MCCC1: variants seen among roughly 807,000 people sequenced by gnomAD.
MCCC1 encodes the protein methylcrotonyl-CoA carboxylase subunit 1.
Under a neutral mutation model 83.8 loss-of-function variants are expected in MCCC1, and 64 were observed. That is an observed-to-expected ratio of 0.76 (90% CI 0.62 to 0.94). The LOEUF is 0.94. Ranked by LOEUF, MCCC1 falls within the 40% of genes least tolerant of loss-of-function variation. The pLI, the probability that MCCC1 is intolerant of heterozygous loss-of-function variation, is 0.00. For missense variants in MCCC1, 807 were observed against 904.7 expected, an observed-to-expected ratio of 0.89 and a Z score of 1.39; for synonymous variants, 322 against 315.4, an observed-to-expected ratio of 1.02 and a Z score of -0.22.
chr3:183,081,353 G>A (rs1391779005), intron 4 of MCCC1, among the ~76,000 whole-genome samples: 2 of 152,156 alleles, frequency 1.3e-5, no homozygotes, highest in African/African-American at 4.8e-5. Flanking sequence ...AGTAAACACA[G>A]AAAACTAGTA....
rs727504003 is a variant in MCCC1, at chr3:183,037,413, T to C, written c.1399A>G (p.Ile467Val). ...CCAGACAGGTTGAGTAAGAAGTCAA[T>C]GTTGGTGTGCAGTCCAACAATCTAG... ...QYNIVGLHTN[I>V]DFLLNLSGHP... The change falls in exon 13 of 19, where the codon ATT becomes GTT. Residue 467 changes from isoleucine (I) to valine (V), a missense_variant. Physicochemically the swap from Ile to Val is conservative, Grantham distance 29. Transcript: ENST00000265594. The C allele has an allele frequency of 6.8e-6, 11 of 1,614,150 alleles. No individual in the cohort carries two copies. The South Asian group carries it at 7.7e-5, about 11-fold the overall frequency.
chr3:183,030,344 A>T (rs1246365381), intron 14 of MCCC1, among the ~76,000 whole-genome samples: 3 of 152,054 alleles, frequency 2.0e-5, no homozygotes, highest in Non-Finnish European at 4.4e-5. Context: ...CACACAAAAA[A>T]AATTCCCCAT....
chr3:183,069,264 T>C (rs58210189), intron 7 of MCCC1, among the ~76,000 whole-genome samples: 5,808 of 152,302 alleles, frequency 0.038, 393 homozygotes, highest in African/African-American at 0.13. Flanking sequence ...TGACGCAATG[T>C]ATGGCTAACA....
intron 1 of MCCC1, among the ~76,000 whole-genome samples, chr3:183,108,413 G>A (rs1719439927): frequency 6.6e-6 from 1 of 152,172 alleles, no homozygotes; most frequent in African/African-American, 2.4e-5. Flanking sequence ...GTTCCATGAT[G>A]TTAACTTTAT....
At chr3:183,048,400 A>G (rs1429239218) in intron 9 of MCCC1, among the ~76,000 whole-genome samples, 1 of 152,236 alleles carries the variant, frequency 6.6e-6, no homozygotes, top group East Asian at 1.9e-4. Context: ...AATCCACTTT[A>G]AAGACTTATA....
chr3:183,054,869 G>A (rs1486789761), intron 8 of MCCC1, among the ~76,000 whole-genome samples: 1 of 152,144 alleles, frequency 6.6e-6, no homozygotes, highest in Non-Finnish European at 1.5e-5. Flanking sequence ...TTACCATTGT[G>A]TTACAACTGC....
chr3:183,112,997 C>T (rs562490905), intron 1 of MCCC1, among the ~76,000 whole-genome samples: 207 of 151,928 alleles, frequency 1.4e-3, no homozygotes, highest in African/African-American at 4.7e-3. Context: ...AGGCCAAGGC[C>T]GGCGGATCAC....
intron 18 of MCCC1, chr3:183,016,201 A>G (rs1711605851): frequency 6.6e-6 from 1 of 151,228 alleles, no homozygotes; most frequent in African/African-American, 2.5e-5. Flanking sequence ...TGCTGGGATT[A>G]CAAGCGTGAG....
chr3:183,076,906 C>T (rs1717115065), intron 4 of MCCC1, among the ~76,000 whole-genome samples: 1 of 152,122 alleles, frequency 6.6e-6, no homozygotes, highest in Admixed American at 6.5e-5. Flanking sequence ...CATAAACCCC[C>T]AGCCCTAGGC....
chr3:183,090,589 CT>C (rs1338123368), intron 3 of MCCC1, among the ~76,000 whole-genome samples: 433 of 144,568 alleles, frequency 3.0e-3, no homozygotes, highest in Admixed American at 6.2e-3. Context: ...TGGGAAAATT[CT>C]TTTTTTTTTT....
At position 183,037,267 on chromosome 3, in the gene MCCC1, GAGACCCAGGGCTGCCTGGCATAA is replaced by G. The variant is rs1713693597; in HGVS notation, c.1522_1544del (p.Leu508HisfsTer17). 1 of 1,614,072 alleles carries G rather than the reference GAGACCCAGGGCTGCCTGGCATAA, an allele frequency of 6.2e-7. No homozygotes were observed. The highest frequency in any genetic ancestry group is 8.5e-7 in the Non-Finnish European group (1 of 1,180,024). The stretch of plus-strand genomic sequence containing the variant: ...CGGTCATGGCTTTCTCCTTGAGGAT[GAGACCCAGGGCTGCCTGGCATAA>G]AGACTCTTTGGCTGCAGCCTTCCGA... On this transcript the variant is annotated frameshift_variant, in exon 13 of 19. Transcript: ENST00000265594. LOFTEE classifies it high-confidence loss of function.
At chr3:183,112,495 CT>C (rs144985519) in intron 1 of MCCC1, among the ~76,000 whole-genome samples, 7,700 of 152,268 alleles carry the variant, frequency 0.051, 297 homozygotes, top group East Asian at 0.17. Flanking sequence ...TTTTTCTCCC[CT>C]GGTTTAAAAA....
chr3:183,086,762 G>C lies in MCCC1; in HGVS notation c.300C>G (p.Pro100=), dbSNP rs747409426. Residue 100 remains proline, a synonymous_variant, in exon 4 of 19, where the codon CCC becomes CCG. Coordinates refer to ENST00000265594, the MANE Select transcript of MCCC1 (RefSeq NM_020166.5). ...ATAGGTAGCTCTGCTGGGAGGGAGC[G>C]GGGCCGATGGAATATGCTTCATCTG... ...DMADEAYSIG[P]APSQQSYLSM... is the part of the protein sequence containing the mutation. 6.2e-7 allele frequency: 1 copy of C among 1,614,050 alleles called. No individual in the cohort carries two copies. The highest frequency in any genetic ancestry group is 1.7e-4 in the Middle Eastern group (1 of 6,060).
chr3:183,015,519 G>T lies in MCCC1; in HGVS notation c.2097C>A (p.Tyr699Ter). 6.2e-7 allele frequency: 1 copy of T among 1,614,074 alleles called. No homozygotes were observed. Among genetic ancestry groups the T allele is most frequent in the Non-Finnish European group, 8.5e-7 (1 of 1,179,960 alleles). ...PKDGTVKKVF[Y>*]REGAQANRHT... ...GTCTGTTGGCCTGAGCACCTTCTCT[G>T]TAGAACACTTTCTTTACTGTGCCAT... The change falls in exon 19 of 19, where the codon TAC becomes TAA. Residue 699 changes from tyrosine (Y) to a stop codon, truncating the protein, a stop_gained. Coordinates refer to ENST00000265594, the MANE Select transcript of MCCC1 (RefSeq NM_020166.5). LOFTEE classifies it low-confidence loss of function (END_TRUNC).
At chr3:183,107,020 G>A (rs563552966) in intron 1 of MCCC1, among the ~76,000 whole-genome samples, 26 of 152,018 alleles carry the variant, frequency 1.7e-4, no homozygotes, top group Non-Finnish European at 2.2e-4. Context: ...CTTGCCCACA[G>A]AATATTTTTG....
chr3:183,093,169 C>T (rs1320477915), intron 2 of MCCC1, among the ~76,000 whole-genome samples: 3 of 152,172 alleles, frequency 2.0e-5, no homozygotes, highest in African/African-American at 7.2e-5. Context: ...GCTGGGATTA[C>T]AGGTGTGAGC....
chr3:183,063,290 A>G (rs1424877685), intron 7 of MCCC1, among the ~76,000 whole-genome samples: 1 of 152,118 alleles, frequency 6.6e-6, no homozygotes, highest in Non-Finnish European at 1.5e-5. Context: ...CCCTATTTAC[A>G]TTTTTAATCC....
In MCCC1 at chr3:183,017,295, G is replaced by C; in HGVS notation, c.2020C>G (p.Leu674Val). The change falls in exon 18 of 19, where the codon CTC becomes GTC. Residue 674 changes from leucine (L) to valine (V), a missense_variant. Physicochemically the swap from Leu to Val is conservative, Grantham distance 32. Coordinates refer to ENST00000265594, the MANE Select transcript of MCCC1 (RefSeq NM_020166.5). ...ATCTTCATGGCGATCATAACCATGAGGGAATCTCCCGCTTTCACTTTGTCT... is the reference window on the plus strand; with the variant it reads ...ATCTTCATGGCGATCATAACCATGACGGAATCTCCCGCTTTCACTTTGTCT... ...AGDKVKAGDS[L>V]MVMIAMKMEH... 6.2e-7 allele frequency: 1 copy of C among 1,613,886 alleles called. No homozygotes were observed. Among genetic ancestry groups the C allele is most frequent in the South Asian group, 1.1e-5 (1 of 91,086 alleles).
At chr3:183,096,231 G>A (rs1313542113) in intron 1 of MCCC1, among the ~76,000 whole-genome samples, 1 of 152,120 alleles carries the variant, frequency 6.6e-6, no homozygotes, top group East Asian at 1.9e-4. Flanking sequence ...AGCTACTTGG[G>A]AGGCTGAGGC....
Sources: gnomAD v4.1 joint callset for allele counts (sites outside exome capture counted in the v4.1 genomes callset) on GRCh38, gnomAD v4.1.1 for gene constraint, MANE v1.5 for transcripts, NCBI Gene and HGNC (gene_info 2026-07-23, HGNC 2026-07-21) for gene names.